The following RUBCN variants were observed in gnomAD, a reference collection of about 807,000 sequenced individuals.
The protein encoded by RUBCN is rubicon autophagy regulator, also known as run domain Beclin-1-interacting and cysteine-rich domain-containing protein.
RUBCN carries 74 observed loss-of-function variants against 113.2 expected under a neutral mutation model. The observed-to-expected ratio is 0.65, with a 90% CI of 0.54 to 0.79. The LOEUF (loss-of-function observed/expected upper bound fraction) is 0.79, where lower values mean the gene tolerates loss of function less well. Ranked by LOEUF, RUBCN falls within the 30% of genes least tolerant of loss-of-function variation. The probability of loss-of-function intolerance (pLI) is 0.00; values close to 1 mark genes in which losing one functional copy is unlikely to be tolerated. For synonymous variants in RUBCN, 480 were observed against 490.0 expected (o/e 0.98, Z 0.27); for missense variants, 1,109 against 1,251.7 (o/e 0.89, Z 1.72).
At chr3:197,749,203 C>A in intron 1 of RUBCN, 9 of 835,442 alleles carry the variant, frequency 1.1e-5, no homozygotes, top group Non-Finnish European at 1.2e-5. Flanking sequence ...GTAAACGAAC[C>A]CTTCTATCCA....
chr3:197,721,967 G>A (rs1241232686), intron 1 of RUBCN, among the ~76,000 whole-genome samples: 2 of 152,228 alleles, frequency 1.3e-5, no homozygotes, highest in East Asian at 1.9e-4. Flanking sequence ...GGCCGGGTGC[G>A]GTGGCTCATG....
At position 197,675,579 on chromosome 3, in the gene RUBCN, TGAACA is replaced by T. The variant is rs1720290894; in HGVS notation, c.2647-69_2647-65del. 3 of 1,246,016 alleles carry T rather than the reference TGAACA, an allele frequency of 2.4e-6. No individual in the cohort carries two copies. The highest frequency in any genetic ancestry group is 3.4e-5 in the Admixed American group (2 of 59,464). The allele number at this position is 1,246,016 out of a possible 1,614,324, so 77.2% of individuals were successfully genotyped here. The stretch of plus-strand genomic sequence containing the variant: ...CACATCAGGAACTGGCACGGGAGGG[TGAACA>T]CCGAGGAGGGGAGTGGTCTACAGGG... On this transcript the variant is annotated intron_variant, in intron 18 of 19. Transcript: ENST00000296343. The surrounding 1 kb of genome is among the most constrained non-coding windows in gnomAD (Gnocchi z 4.4).
At chr3:197,724,272 ATAAG>A (rs1443554204) in intron 1 of RUBCN, among the ~76,000 whole-genome samples, 10 of 152,214 alleles carry the variant, frequency 6.6e-5, no homozygotes, top group Non-Finnish European at 1.2e-4. Context: ...GTATGTTATA[ATAAG>A]TAACACTCAA....
At chr3:197,735,709 A>T (rs749661901) in intron 1 of RUBCN, among the ~76,000 whole-genome samples, 1 of 152,036 alleles carries the variant, frequency 6.6e-6, no homozygotes, top group Non-Finnish European at 1.5e-5. Context: ...CTCTCGCCTC[A>T]GCCTCCCGAG....
At chr3:197,745,146 G>A (rs897188980) in intron 1 of RUBCN, among the ~76,000 whole-genome samples, 1 of 151,878 alleles carries the variant, frequency 6.6e-6, no homozygotes, top group Non-Finnish European at 1.5e-5. Context: ...TTAGCCAGGC[G>A]TGGTGGCACG....
intron 7 of RUBCN, chr3:197,700,335 C>T: frequency 1.9e-6 from 1 of 526,578 alleles, no homozygotes; most frequent in Non-Finnish European, 3.3e-6. Context: ...ACTTTGAAAA[C>T]TCGCACTATG....
chr3:197,736,898 C>T lies in RUBCN; in HGVS notation c.-179G>A, dbSNP rs1300005516. On this transcript the variant is annotated 5_prime_UTR_variant, in exon 1 of 20. Transcript: ENST00000296343. ...GCCGCCTGGGCTGCGGCTTCTATCC[C>T]GGCCACCCCCACTTCCGGCTCCGGG... is the stretch of plus-strand genomic sequence containing the variant. 7.3e-6 allele frequency: 10 copies of T among 1,363,734 alleles called. No individual in the cohort carries two copies. The highest frequency in any genetic ancestry group is 3.8e-6 in the Non-Finnish European group (4 of 1,065,414). 84.5% of individuals were successfully genotyped at this position (1,363,734 alleles called of 1,614,324 possible).
At chr3:197,688,193 A>C (rs1425346536) in intron 11 of RUBCN, among the ~76,000 whole-genome samples, 1 of 152,046 alleles carries the variant, frequency 6.6e-6, no homozygotes, top group Non-Finnish European at 1.5e-5. Context: ...CACCCGACTA[A>C]TTTTTATATT....
chr3:197,691,505 C>T (rs1478281915), intron 11 of RUBCN, among the ~76,000 whole-genome samples: 1 of 152,090 alleles, frequency 6.6e-6, no homozygotes, highest in Non-Finnish European at 1.5e-5. Flanking sequence ...CAGCCCAATC[C>T]GTCACAGCAA....
At chr3:197,676,330 CCT>C in intron 18 of RUBCN, 1 of 1,001,192 alleles carries the variant, frequency 1.0e-6, no homozygotes, top group Non-Finnish European at 1.2e-6. Flanking sequence ...ATGACAACTG[CCT>C]TTTTTTTTTC....
rs898124857 is a variant in RUBCN at position 197,736,669 on chromosome 3, C to G, written c.51G>C (p.Leu17=). Residue 17 remains leucine (L), a synonymous_variant, in exon 1 of 20, where the codon CTG becomes CTC. Transcript: ENST00000296343. The part of the protein sequence containing the change: ...GMELGGGEER[L]PEESRREHWQ... ...TCCCAGCCCACCTGCTCTCCTCAGGCAGGCGCTCCTCGCCGCCTCCGAGCT... is the reference window on the plus strand; with the variant it reads ...TCCCAGCCCACCTGCTCTCCTCAGGGAGGCGCTCCTCGCCGCCTCCGAGCT... 9.8e-6 allele frequency: 15 copies of G among 1,532,556 alleles called. No individual in the cohort carries two copies. The highest frequency in any genetic ancestry group is 1.4e-5 in the African/African-American group (1 of 72,942). 94.9% of individuals were successfully genotyped at this position (1,532,556 alleles called of 1,614,324 possible).
intron 1 of RUBCN, among the ~76,000 whole-genome samples, chr3:197,735,378 A>C (rs886600803): frequency 6.6e-6 from 1 of 152,244 alleles, no homozygotes; most frequent in African/African-American, 2.4e-5. Context: ...AGCCTGGGGG[A>C]CAGGGTGAGG....
chr3:197,682,642 A>G (rs749913388), intron 13 of RUBCN, 27 bp from the exon 14 acceptor site: 1 of 1,601,666 alleles, frequency 6.2e-7, no homozygotes, highest in Admixed American at 1.7e-5. Flanking sequence ...CAGTTGGGGT[A>G]AGCTCGTGTC....
chr3:197,749,799 G>T (rs993366521), upstream of RUBCN: 19 of 478,410 alleles, frequency 4.0e-5, no homozygotes, highest in Admixed American at 4.0e-4. Context: ...GGCCGCTCTG[G>T]TCGCCCGCGA....
At chr3:197,702,527 G>C (rs1723797851) in intron 5 of RUBCN, among the ~76,000 whole-genome samples, 1 of 152,132 alleles carries the variant, frequency 6.6e-6, no homozygotes, top group Admixed American at 6.6e-5. Flanking sequence ...GCTGGGCGTG[G>C]TGGCGTGCAC....
At position 197,704,236 on chromosome 3, in the gene RUBCN, A is replaced by G. The variant is rs574048926; in HGVS notation, c.463+306T>C. 5.3e-5 allele frequency among the ~76,000 whole-genome samples: 8 copies of G among 152,276 alleles called. No homozygotes were observed. The South Asian group carries it at 1.7e-3, about 32-fold the overall frequency. ...GATCACCTGAGGTTGGGAGTTCGAG[A>G]CCTGCCTGACCAACATGGAGAAACC... On this transcript the variant is annotated intron_variant, in intron 4 of 19. Transcript: ENST00000296343.
At position 197,695,821 on chromosome 3, in the gene RUBCN, A is replaced by T. The variant is rs13317142; in HGVS notation, c.1473+45T>A. ...AATGGCACCACAGACCTTCAGACCCAATCTCCCAACTCATGAGCTCTTCAT... is the reference window on the plus strand; with the variant it reads ...AATGGCACCACAGACCTTCAGACCCTATCTCCCAACTCATGAGCTCTTCAT... On this transcript the variant is annotated intron_variant, in intron 9 of 19. Transcript: ENST00000296343. 3,247 of 1,556,600 alleles carry T rather than the reference A, an allele frequency of 2.1e-3. 54 individuals carry two copies. In the African/African-American group the frequency reaches 0.038, roughly 18 times the overall value.
At chr3:197,736,464 C>G (rs1728135994) in intron 1 of RUBCN, among the ~76,000 whole-genome samples, 191 bp downstream of exon 1, 2 of 139,504 alleles carry the variant, frequency 1.4e-5, no homozygotes, top group Admixed American at 1.5e-4. Context: ...TCACCCTAAG[C>G]CGGTTCCTTC....
In RUBCN at chr3:197,681,725, C is replaced by T; in HGVS notation, c.2191+110G>A. The T allele has an allele frequency of 1.0e-6, 1 of 954,460 alleles. No homozygotes were observed. Among genetic ancestry groups the T allele is most frequent in the Non-Finnish European group, 1.7e-6 (1 of 585,678 alleles). The allele number at this position is 954,460 out of a possible 1,614,324, so 59.1% of individuals were successfully genotyped here. On this transcript the variant is annotated intron_variant, in intron 15 of 19. Transcript: ENST00000296343. The surrounding 1 kb of genome is among the most constrained non-coding windows in gnomAD (Gnocchi z 5.5). ...ACGAACCTTTCTTTCTCCTTCCCTA[C>T]TTCTGCCACGCCACCTCCTGCTACC...
Sources: allele counts gnomAD v4.1 joint callset (sites outside exome capture counted in the v4.1 genomes callset), GRCh38; gene constraint gnomAD v4.1.1; non-coding constraint Gnocchi (gnomAD v3.1); transcripts MANE v1.5; gene names NCBI Gene and HGNC (gene_info 2026-07-23, HGNC 2026-07-21).